Variants in GFRA3 observed in about 807,000 individuals in gnomAD.
GFRA3 encodes GDNF family receptor alpha-3.
Under a neutral mutation model 40.0 loss-of-function variants are expected in GFRA3, and 24 were observed. That is an observed-to-expected ratio of 0.60 (90% CI 0.43 to 0.84). The LOEUF is 0.84. Among genes scored for constraint, GFRA3 ranks in the 40% least tolerant of loss-of-function variants. The probability of loss-of-function intolerance (pLI) is 0.00; values close to 1 mark genes in which losing one functional copy is unlikely to be tolerated. For synonymous variants in GFRA3, 203 were observed against 213.5 expected (o/e 0.95, Z 0.43); for missense variants, 405 against 530.6 (o/e 0.76, Z 2.33).
At chr5:138,258,343 G>A (rs968407930) in intron 3 of GFRA3, among the ~76,000 whole-genome samples, 1 of 151,712 alleles carries the variant, frequency 6.6e-6, no homozygotes, top group Non-Finnish European at 1.5e-5. Flanking sequence ...ACGACGCCCG[G>A]CTAATTTTTT....
At chr5:138,255,098 G>A (rs1019479738) in intron 4 of GFRA3, among the ~76,000 whole-genome samples, 1 of 151,122 alleles carries the variant, frequency 6.6e-6, no homozygotes, top group Non-Finnish European at 1.5e-5. Context: ...AAAGAGAGAG[G>A]AAGGAAAGAA....
intron 1 of GFRA3, among the ~76,000 whole-genome samples, chr5:138,273,146 G>A (rs77237834): frequency 2.9e-4 from 44 of 152,230 alleles, no homozygotes; most frequent in African/African-American, 1.0e-3. Flanking sequence ...CCCATGAATC[G>A]GAGGTCTCCT....
chr5:138,254,190 T>C (rs116268521), intron 4 of GFRA3, 30 bp from the exon 5 acceptor site: 48,279 of 1,122,690 alleles, frequency 0.043, 407 homozygotes, highest in Middle Eastern at 0.072. Flanking sequence ...TGTCTTTCTT[T>C]TTTTTTTTTT....
intron 1 of GFRA3, among the ~76,000 whole-genome samples, chr5:138,265,808 A>G (rs778300998): frequency 1.3e-5 from 2 of 152,000 alleles, no homozygotes; most frequent in Non-Finnish European, 2.9e-5. Context: ...TATCCTACCT[A>G]CCTCAGCCTC....
chr5:138,271,907 T>TGTGTGTGTGTGTG (rs61112096), intron 1 of GFRA3, among the ~76,000 whole-genome samples: 145 of 98,544 alleles, frequency 1.5e-3, no homozygotes, highest in South Asian at 2.7e-3. Flanking sequence ...TTTTTTTTTT[T>TGTGTGTGTGTGTG]TTTTTTTGTG....
chr5:138,266,676 CT>C (rs1484785541), intron 1 of GFRA3, among the ~76,000 whole-genome samples: 1 of 75,502 alleles, frequency 1.3e-5, no homozygotes, highest in Admixed American at 1.7e-4. Context: ...TTCTTTCTTT[CT>C]TTTCTTTTCT....
rs1249656685 is a variant in GFRA3, at chr5:138,257,668, C to T, written c.756G>A (p.Arg252=). Residue 252 remains arginine, a synonymous_variant, in exon 4 of 8, where the codon CGG becomes CGA. Coordinates refer to ENST00000274721, the MANE Select transcript of GFRA3 (RefSeq NM_001496.4). ...PPVAPNCLEL[R]RLCFSDPLCR... is the part of the protein sequence containing the mutation. ...AAAGCGGGTCGGAGAAGCAGAGGCG[C>T]CGCAGCTCCAGGCAGTTGGGGGCCA... 1 of 1,609,904 alleles carries T rather than the reference C, an allele frequency of 6.2e-7. No individual in the cohort carries two copies. Among genetic ancestry groups the T allele is most frequent in the Non-Finnish European group, 8.5e-7 (1 of 1,179,130 alleles).
chr5:138,255,453 A>G (rs1490209634), intron 4 of GFRA3, among the ~76,000 whole-genome samples: 1 of 152,226 alleles, frequency 6.6e-6, no homozygotes, highest in African/African-American at 2.4e-5. Flanking sequence ...CTGAGAAGAC[A>G]CAGGAAAGCC....
intron 1 of GFRA3, among the ~76,000 whole-genome samples, chr5:138,269,661 G>A (rs1196653988): frequency 3.3e-5 from 5 of 151,610 alleles, no homozygotes; most frequent in African/African-American, 1.2e-4. Context: ...GGCCAACATG[G>A]TGAAACCCCA....
chr5:138,256,825 T>A (rs1375227764), intron 4 of GFRA3, among the ~76,000 whole-genome samples: 1 of 151,642 alleles, frequency 6.6e-6, no homozygotes, highest in Non-Finnish European at 1.5e-5. Context: ...CACAAGCCTG[T>A]AGTCCTAGCT....
chr5:138,271,913 T>TTTTGTGTGTGTGTGTGTG (rs59830655), intron 1 of GFRA3, among the ~76,000 whole-genome samples: 2 of 54,324 alleles, frequency 3.7e-5, no homozygotes, highest in Admixed American at 2.5e-4. Context: ...TTTTTTTTTT[T>TTTTGTGTGTGTGTGTGTG]TGTGTGTGTG....
rs1398182970 is a variant in GFRA3, at chr5:138,264,565, C to G, written c.92-17G>C. On this transcript the variant is annotated splice_polypyrimidine_tract_variant and intron_variant, in intron 1 of 7. Coordinates refer to ENST00000274721, the MANE Select transcript of GFRA3 (RefSeq NM_001496.4). ...GGGGGTCTCCTGTAAAGGGAGATACCAGGTGAGGCTACGTAAGATTAGAAT... is the reference window on the plus strand; with the variant it reads ...GGGGGTCTCCTGTAAAGGGAGATACGAGGTGAGGCTACGTAAGATTAGAAT... 3 of 1,558,130 alleles carry G rather than the reference C, an allele frequency of 1.9e-6. No individual in the cohort carries two copies. Among genetic ancestry groups the G allele is most frequent in the Non-Finnish European group, 2.6e-6 (3 of 1,142,934 alleles).
intron 1 of GFRA3, among the ~76,000 whole-genome samples, chr5:138,271,373 T>C (rs963270911): frequency 1.7e-4 from 26 of 152,300 alleles, no homozygotes; most frequent in African/African-American, 6.3e-4. Context: ...TTTACCAAGT[T>C]TGAGCAGTGA....
At chr5:138,256,566 C>CA (rs1755633967) in intron 4 of GFRA3, among the ~76,000 whole-genome samples, 1 of 135,534 alleles carries the variant, frequency 7.4e-6, no homozygotes, top group Non-Finnish European at 1.6e-5. Context: ...AAAAAAAAAA[C>CA]AAAACAAAAA....
intron 2 of GFRA3, among the ~76,000 whole-genome samples, chr5:138,263,482 A>G (rs535738904): frequency 8.5e-5 from 13 of 152,168 alleles, no homozygotes; most frequent in Non-Finnish European, 1.6e-4. Context: ...TTCTCAATCC[A>G]GTGATGTCAG....
chr5:138,273,270 T>C (rs974654071), intron 1 of GFRA3, among the ~76,000 whole-genome samples: 3 of 152,162 alleles, frequency 2.0e-5, no homozygotes, highest in Non-Finnish European at 4.4e-5. Context: ...TAGATGACTG[T>C]TTTATGGATT....
chr5:138,268,675 G>A (rs944980843), intron 1 of GFRA3, among the ~76,000 whole-genome samples: 5 of 152,092 alleles, frequency 3.3e-5, no homozygotes, highest in African/African-American at 4.8e-5. Context: ...CAGATCACAA[G>A]GTCAGGAGAT....
At position 138,265,280 on chromosome 5, in the gene GFRA3, G is replaced by A. The variant is rs1038509107; in HGVS notation, c.92-732C>T. On this transcript the variant is annotated intron_variant, in intron 1 of 7. Transcript: ENST00000274721. ...TACCCAGGTTGGAGTGCAATGGCGT[G>A]ATCTTGGCTCAACGCAACCTCCGCC... 5.0e-4 allele frequency among the ~76,000 whole-genome samples: 67 copies of A among 134,318 alleles called. 1 individual carries two copies. The highest frequency in any genetic ancestry group is 1.9e-3 in the African/African-American group (66 of 35,636). 88.1% of individuals were successfully genotyped at this position (134,318 alleles called of 152,430 possible). A position where few individuals can be genotyped will look rare whatever the true frequency, so the allele number is the denominator to read the frequency against.
intron 3 of GFRA3, among the ~76,000 whole-genome samples, chr5:138,258,166 CTTTTTTTTTTTTTTTTTT>C (rs66792829): frequency 7.7e-5 from 4 of 51,640 alleles, no homozygotes; most frequent in South Asian, 6.9e-4. Flanking sequence ...CCCTACTCCT[CTTTTTTTTTTTTTTTTTT>C]TTTTTTTTTT....
Sources: gnomAD v4.1 joint callset for allele counts (sites outside exome capture counted in the v4.1 genomes callset) on GRCh38, gnomAD v4.1.1 for gene constraint, MANE v1.5 for transcripts, NCBI Gene and HGNC (gene_info 2026-07-23, HGNC 2026-07-21) for gene names.